Variants in MTPAP observed in about 807,000 individuals in gnomAD.
MTPAP encodes the protein mitochondrial poly(A) polymerase.
In MTPAP, 23 loss-of-function variants were observed where a neutral mutation model predicts 48.7. The observed-to-expected ratio is 0.47, with a 90% CI of 0.34 to 0.67. The LOEUF is 0.67. Ranked by LOEUF, MTPAP falls within the 30% of genes least tolerant of loss-of-function variation. The probability of loss-of-function intolerance (pLI) is 0.01; values close to 1 mark genes in which losing one functional copy is unlikely to be tolerated. For synonymous variants in MTPAP, 257 were observed against 254.1 expected (o/e 1.01, Z -0.11); for missense variants, 614 against 694.3 (o/e 0.88, Z 1.30).
intron 1 of MTPAP, among the ~76,000 whole-genome samples, chr10:30,343,767 TA>T (rs1266480915): frequency 1.3e-4 from 20 of 151,840 alleles, no homozygotes; most frequent in African/African-American, 4.6e-4. Context: ...GGGGTTTCAC[TA>T]CGTTGGTCAG....
intron 7 of MTPAP, 24 bp downstream of exon 7, chr10:30,316,094 T>C: frequency 3.1e-6 from 5 of 1,608,878 alleles, no homozygotes; most frequent in Non-Finnish European, 4.3e-6. Flanking sequence ...CCAGAAAGGA[T>C]CAAGTAAACA....
rs946715289 is a variant in MTPAP at position 30,310,723 on chromosome 10, A to C, written c.*2886T>G. On this transcript the variant is annotated 3_prime_UTR_variant, in exon 9 of 9. Transcript: ENST00000263063. ...AAGACCAGCCTGGCCAACATGGTGAAACCCCGTCTCTACTAACATACAAAA... is the reference window on the plus strand; with the variant it reads ...AAGACCAGCCTGGCCAACATGGTGACACCCCGTCTCTACTAACATACAAAA... The C allele has an allele frequency of 1.3e-5, 2 of 152,156 alleles. No individual in the cohort carries two copies. The highest frequency in any genetic ancestry group is 4.8e-5 in the African/African-American group (2 of 41,394). The allele number at this position is 152,156 out of a possible 1,614,324, so 9.4% of individuals were successfully genotyped here.
At position 30,316,189 on chromosome 10, in the gene MTPAP, A is replaced by G; in HGVS notation, c.1241T>C (p.Ile414Thr). The G allele has an allele frequency of 1.2e-6, 2 of 1,613,680 alleles. No homozygotes were observed. The highest frequency in any genetic ancestry group is 1.1e-5 in the South Asian group (1 of 91,064). The change falls in exon 7 of 9, where the codon ATA becomes ACA. Residue 414 changes from isoleucine (I) to threonine (T), a missense_variant. By Grantham distance (89) the Ile-to-Thr change is moderately conservative. Transcript: ENST00000263063. ...TLADAEDKCV[I>T]EGNNCTFVRD... ...AACAAATGTGCAGTTGTTGCCTTCT[A>G]TTACACATTTATCTTCTGCATCTTA...
chr10:30,347,176 C>T (rs552213848), intron 1 of MTPAP, among the ~76,000 whole-genome samples: 26 of 152,320 alleles, frequency 1.7e-4, no homozygotes, highest in African/African-American at 6.3e-4. Context: ...CTTTCCACTA[C>T]TAACATGAAA....
rs1467404103 is a variant in MTPAP, at chr10:30,312,042, GGA to G, written c.*1565_*1566del. The stretch of plus-strand genomic sequence containing the variant: ...GGCGCCTGTAATCCCAGCTGAGGCA[GGA>G]GAATCACTTGAATCCGGGAGGCGGA... On this transcript the variant is annotated 3_prime_UTR_variant, in exon 9 of 9. Transcript: ENST00000263063. 1 of 152,360 alleles carries G rather than the reference GGA, an allele frequency of 6.6e-6. No homozygotes were observed. Among genetic ancestry groups the G allele is most frequent in the Non-Finnish European group, 1.5e-5 (1 of 68,190 alleles). The allele number at this position is 152,360 out of a possible 1,614,324, so 9.4% of individuals were successfully genotyped here.
At chr10:30,330,399 T>A (rs1024665726) in intron 4 of MTPAP, among the ~76,000 whole-genome samples, 2 of 151,634 alleles carry the variant, frequency 1.3e-5, no homozygotes, top group African/African-American at 4.8e-5. Context: ...CAAAAAGAGG[T>A]CAAGTGAGAA....
At chr10:30,337,244 G>T (rs978321666) in intron 3 of MTPAP, among the ~76,000 whole-genome samples, 1 of 152,074 alleles carries the variant, frequency 6.6e-6, no homozygotes, top group Non-Finnish European at 1.5e-5. Context: ...GACCAACATG[G>T]AGAAACCCAA....
Position 30,322,684 on chromosome 10 carries a change from T to C in MTPAP, c.993-67A>G. On this transcript the variant is annotated intron_variant, in intron 5 of 8. Coordinates refer to ENST00000263063, the MANE Select transcript of MTPAP (RefSeq NM_018109.4). ...TTATAAACCAAGGGTAAAATTAAAC[T>C]CAAACCAAGAAACACATCTAAATAT... is the stretch of plus-strand genomic sequence containing the variant. The C allele has an allele frequency of 2.5e-6, 3 of 1,180,068 alleles. No individual in the cohort carries two copies. The Admixed American group carries it at 6.0e-5, about 23-fold the overall frequency. The allele number at this position is 1,180,068 out of a possible 1,614,324, so 73.1% of individuals were successfully genotyped here.
At position 30,311,073 on chromosome 10, in the gene MTPAP, G is replaced by A. The variant is rs970691011; in HGVS notation, c.*2536C>T. ...TGCTTAAATAACCATATTACACCTA[G>A]CACCAACCTAAAAAAGAAAATATCT... On this transcript the variant is annotated 3_prime_UTR_variant, in exon 9 of 9. Transcript: ENST00000263063. 6.6e-6 allele frequency: 1 copy of A among 151,896 alleles called. No homozygotes were observed. The highest frequency in any genetic ancestry group is 2.4e-5 in the African/African-American group (1 of 41,328). 9.4% of individuals were successfully genotyped at this position (151,896 alleles called of 1,614,324 possible).
chr10:30,326,338 T>G (rs977172445), intron 5 of MTPAP, 86 bp downstream of exon 5: 1 of 1,254,490 alleles, frequency 8.0e-7, no homozygotes, highest in African/African-American at 1.5e-5. Context: ...TGTTTAAGAT[T>G]ACAAAGCCAC....
intron 4 of MTPAP, among the ~76,000 whole-genome samples, chr10:30,335,219 A>C (rs1331112953): frequency 6.6e-6 from 1 of 152,152 alleles, no homozygotes. Flanking sequence ...GCGTGTGGTG[A>C]CTCACGCCTG....
At chr10:30,324,729 C>G (rs192578034) in intron 5 of MTPAP, among the ~76,000 whole-genome samples, 1 of 152,084 alleles carries the variant, frequency 6.6e-6, no homozygotes, top group Non-Finnish European at 1.5e-5. Flanking sequence ...CAAGGCCAGG[C>G]GTGGCGGCTC....
intron 5 of MTPAP, among the ~76,000 whole-genome samples, chr10:30,323,368 C>G (rs1409503435): frequency 7.1e-6 from 1 of 140,518 alleles, no homozygotes; most frequent in African/African-American, 2.6e-5. Context: ...AGGAGAGTCA[C>G]TTGAACCCGG....
At chr10:30,342,700 T>TG (rs981984678) in intron 1 of MTPAP, among the ~76,000 whole-genome samples, 2 of 152,228 alleles carry the variant, frequency 1.3e-5, no homozygotes, top group African/African-American at 4.8e-5. Flanking sequence ...ATTCGGTGTT[T>TG]TGACATAAGC....
At chr10:30,319,899 T>G (rs1840702103) in intron 6 of MTPAP, among the ~76,000 whole-genome samples, 1 of 152,214 alleles carries the variant, frequency 6.6e-6, no homozygotes, top group South Asian at 2.1e-4. Flanking sequence ...AGTGAAATAT[T>G]AAAGAATTCC....
At chr10:30,321,541 CAAGGGTA>C (rs1293806433) in intron 6 of MTPAP, among the ~76,000 whole-genome samples, 7 of 152,016 alleles carry the variant, frequency 4.6e-5, no homozygotes, top group Middle Eastern at 3.2e-3. Flanking sequence ...TGAAATGTTC[CAAGGGTA>C]ATCACAGCAC....
rs1175916742 is a variant in MTPAP, at chr10:30,342,523, G to C, written c.158-883C>G. ...TTTGATTTACTATGCTTGATGCAAA[G>C]TGCTGAAAACGGAGTTCCACAAAAA... On this transcript the variant is annotated intron_variant, in intron 1 of 8. Transcript: ENST00000263063. 4.4e-5 allele frequency among the ~76,000 whole-genome samples: 6 copies of C among 135,480 alleles called. No individual in the cohort carries two copies. In the Admixed American group the frequency reaches 4.8e-4, roughly 11 times the overall value. 88.9% of individuals were successfully genotyped at this position (135,480 alleles called of 152,430 possible).
In MTPAP at chr10:30,333,401, G is replaced by C. The variant is rs541712533; in HGVS notation, c.780+3402C>G. 2.0e-5 allele frequency among the ~76,000 whole-genome samples: 3 copies of C among 152,288 alleles called. No individual in the cohort carries two copies. The South Asian group carries it at 6.2e-4, about 32-fold the overall frequency. On this transcript the variant is annotated intron_variant, in intron 4 of 8. Transcript: ENST00000263063. ...ATAGTTAGGACAATTGAGGCAGAGA[G>C]AAGGTAAATAACTTACCTAGGATCA... is the stretch of plus-strand genomic sequence containing the variant.
At chr10:30,325,013 AAAG>A (rs1834567152) in intron 5 of MTPAP, among the ~76,000 whole-genome samples, 1 of 152,080 alleles carries the variant, frequency 6.6e-6, no homozygotes. Flanking sequence ...AGAAAAAGAA[AAAG>A]AAGAAACAGC....
Sources: allele counts gnomAD v4.1 joint callset (sites outside exome capture counted in the v4.1 genomes callset), GRCh38; gene constraint gnomAD v4.1.1; transcripts MANE v1.5; gene names NCBI Gene and HGNC (gene_info 2026-07-23, HGNC 2026-07-21).